Variants in KCNIP1 observed in about 807,000 individuals in gnomAD.
KCNIP1 encodes the protein potassium voltage-gated channel interacting protein 1.
Under a neutral mutation model 33.0 loss-of-function variants are expected in KCNIP1, and 18 were observed. That is an observed-to-expected ratio of 0.55 (90% CI 0.38 to 0.81). The LOEUF is 0.81. Ranked by LOEUF, KCNIP1 falls within the 30% of genes least tolerant of loss-of-function variation. The pLI is 0.00. For missense variants in KCNIP1, 238 were observed against 271.6 expected, an observed-to-expected ratio of 0.88 and a Z score of 0.87; for synonymous variants, 93 against 98.3, an observed-to-expected ratio of 0.95 and a Z score of 0.32.
chr5:170,439,317 C>T (rs1235715451), intron 1 of KCNIP1, among the ~76,000 whole-genome samples: 1 of 152,244 alleles, frequency 6.6e-6, no homozygotes, highest in Non-Finnish European at 1.5e-5. Flanking sequence ...TTTAATTCCA[C>T]AAATTGAAGC....
intron 1 of KCNIP1, among the ~76,000 whole-genome samples, chr5:170,445,049 A>C (rs190548973): frequency 1.3e-5 from 2 of 152,336 alleles, no homozygotes; most frequent in Admixed American, 1.3e-4. Flanking sequence ...CAATTCAGCA[A>C]GTATTGATTG....
intron 1 of KCNIP1, among the ~76,000 whole-genome samples, chr5:170,649,768 C>T (rs1466833059): frequency 2.6e-5 from 4 of 152,150 alleles, no homozygotes; most frequent in African/African-American, 9.7e-5. Context: ...AGCAGGTACC[C>T]AGGCCTTTTT....
chr5:170,726,448 G>C (rs1001568571), intron 5 of KCNIP1, among the ~76,000 whole-genome samples: 1 of 152,070 alleles, frequency 6.6e-6, no homozygotes, highest in African/African-American at 2.4e-5. Context: ...GCACAGAATG[G>C]CCACAATTAA....
intron 1 of KCNIP1, among the ~76,000 whole-genome samples, chr5:170,400,669 T>C (rs1754879775): frequency 6.6e-6 from 1 of 152,214 alleles, no homozygotes; most frequent in Non-Finnish European, 1.5e-5. Context: ...CCCTTTGAAG[T>C]GGTTACTGTG....
intron 5 of KCNIP1, among the ~76,000 whole-genome samples, chr5:170,729,886 A>C (rs935147195): frequency 6.6e-6 from 1 of 152,094 alleles, no homozygotes; most frequent in Non-Finnish European, 1.5e-5. Context: ...GTCCCAAGGA[A>C]ATAAAGAATA....
intron 1 of KCNIP1, among the ~76,000 whole-genome samples, chr5:170,598,587 C>T (rs975586409): frequency 7.9e-5 from 12 of 152,158 alleles, no homozygotes; most frequent in African/African-American, 2.4e-4. Context: ...TGGGTGGACT[C>T]GAGTCCTAGA....
intron 1 of KCNIP1, chr5:170,383,671 T>C (rs1300816004): frequency 6.2e-7 from 1 of 1,614,050 alleles, no homozygotes; most frequent in South Asian, 1.1e-5. Flanking sequence ...ATCCCTCCAG[T>C]TCAGTACCTG....
chr5:170,426,815 G>A (rs1403345755), intron 1 of KCNIP1, among the ~76,000 whole-genome samples: 1 of 152,250 alleles, frequency 6.6e-6, no homozygotes, highest in African/African-American at 2.4e-5. Flanking sequence ...CGTAGAGGGT[G>A]GAGCTGAGAG....
upstream of KCNIP1, among the ~76,000 whole-genome samples, chr5:170,503,711 GCACGCACGCACATCACA>G (rs1209759037): frequency 5.9e-5 from 8 of 135,902 alleles, no homozygotes; most frequent in Non-Finnish European, 4.8e-5. Context: ...ACACACACAC[GCACGCACGCACATCACA>G]CACACACACA....
chr5:170,632,573 G>A (rs932518985), intron 1 of KCNIP1, among the ~76,000 whole-genome samples: 4 of 152,228 alleles, frequency 2.6e-5, no homozygotes, highest in South Asian at 2.1e-4. Flanking sequence ...TCTCTGGGCC[G>A]TTTGCACATT....
chr5:170,466,667 G>A (rs1223219622), intron 1 of KCNIP1, among the ~76,000 whole-genome samples: 1 of 152,186 alleles, frequency 6.6e-6, no homozygotes, highest in Non-Finnish European at 1.5e-5. Flanking sequence ...GCAAGTGAGA[G>A]TCTGCCTTCT....
intron 1 of KCNIP1, among the ~76,000 whole-genome samples, chr5:170,533,341 T>C (rs992676298): frequency 1.3e-5 from 2 of 152,218 alleles, no homozygotes; most frequent in Non-Finnish European, 2.9e-5. Context: ...TTAACAGGCA[T>C]TTCTGATTCG....
chr5:170,667,237 G>A (rs1761738271), intron 1 of KCNIP1, among the ~76,000 whole-genome samples: 1 of 151,918 alleles, frequency 6.6e-6, no homozygotes, highest in Non-Finnish European at 1.5e-5. Flanking sequence ...GCTTGAACCT[G>A]GGAGGCAGAA....
At position 170,378,861 on chromosome 5, in the gene KCNIP1, C is replaced by T. The variant is rs75485767; in HGVS notation, c.88+24897C>T. Reference sequence around the variant, plus strand: ...GAATAGGACGCTGGTTTCGTTCCCCCGAGGTGCGGAGAAGCAGTAGAAGAC... The same window carrying T: ...GAATAGGACGCTGGTTTCGTTCCCCTGAGGTGCGGAGAAGCAGTAGAAGAC... On this transcript the variant is annotated intron_variant, in intron 1 of 7. Coordinates refer to the KCNIP1 transcript ENST00000377360. The T allele has an allele frequency of 4.6e-3, 7,462 of 1,614,240 alleles. 30 individuals carry two copies. Among genetic ancestry groups the T allele is most frequent in the Non-Finnish European group, 5.7e-3 (6,744 of 1,180,050 alleles).
At position 170,721,813 on chromosome 5, in the gene KCNIP1, C is replaced by A. The variant is rs762237419; in HGVS notation, c.257-20C>A. Reference sequence around the variant, plus strand: ...TGGAATTCCTGCCCCCATCACCTGCCCTCCTTTTCTGCCTTGTAGATGCCA... The same window carrying A: ...TGGAATTCCTGCCCCCATCACCTGCACTCCTTTTCTGCCTTGTAGATGCCA... On this transcript the variant is annotated intron_variant, in intron 3 of 7. Transcript: ENST00000328939. The A allele has an allele frequency of 3.1e-6, 5 of 1,614,196 alleles. No individual in the cohort carries two copies. The highest frequency in any genetic ancestry group is 1.7e-5 in the Admixed American group (1 of 60,030).
intron 1 of KCNIP1, among the ~76,000 whole-genome samples, chr5:170,358,026 T>C (rs1763393592): frequency 6.6e-6 from 1 of 152,204 alleles, no homozygotes; most frequent in African/African-American, 2.4e-5. Flanking sequence ...CTGGGGAACC[T>C]GCGTCTTCCT....
At chr5:170,378,868 C>T (rs890908934) in intron 1 of KCNIP1, 20 of 1,614,118 alleles carry the variant, frequency 1.2e-5, no homozygotes, top group Non-Finnish European at 1.5e-5. Flanking sequence ...CCCCGAGGTG[C>T]GGAGAAGCAG....
At chr5:170,554,920 C>G (rs140996513) in intron 1 of KCNIP1, among the ~76,000 whole-genome samples, 1 of 152,146 alleles carries the variant, frequency 6.6e-6, no homozygotes, top group Admixed American at 6.5e-5. Flanking sequence ...CCAGACATGT[C>G]GCTGACACCA....
At chr5:170,402,249 T>C (rs1400726755) in intron 1 of KCNIP1, among the ~76,000 whole-genome samples, 1 of 152,192 alleles carries the variant, frequency 6.6e-6, no homozygotes, top group African/African-American at 2.4e-5. Context: ...ATATTCAAGG[T>C]ACCAGAAATT....
Sources: gnomAD v4.1 joint callset for allele counts (sites outside exome capture counted in the v4.1 genomes callset) on GRCh38, gnomAD v4.1.1 for gene constraint, MANE v1.5 for transcripts, NCBI Gene and HGNC (gene_info 2026-07-23, HGNC 2026-07-21) for gene names.